Variants in CENPP observed in about 807,000 individuals in gnomAD.
CENPP encodes centromere protein P.
In CENPP, 24 loss-of-function variants were observed where a neutral mutation model predicts 35.6. The ratio of observed to expected loss-of-function variants is 0.67; its 90% CI spans 0.49 to 0.95. CENPP has a LOEUF of 0.95. CENPP is among the 40% of genes least tolerant of loss of function. CENPP has a pLI of 0.00. For missense variants in CENPP, 332 were observed against 345.3 expected (o/e 0.96, Z 0.31); for synonymous variants, 120 against 125.5 (o/e 0.96, Z 0.29).
At chr9:92,524,227 AAC>A (rs1445011899) in intron 5 of CENPP, among the ~76,000 whole-genome samples, 1 of 152,358 alleles carries the variant, frequency 6.6e-6, no homozygotes, top group South Asian at 2.1e-4. Context: ...ATATAAAAAT[AAC>A]AGTCAATAGC....
Position 92,606,097 on chromosome 9 carries a change from T to TA in CENPP, c.565-5217_565-5216insA, listed in dbSNP as rs1184755484. Among the ~76,000 whole-genome samples the TA allele has an allele frequency of 7.2e-5, 11 of 151,938 alleles. No individual in the cohort carries two copies. In the East Asian group the frequency reaches 1.7e-3, roughly 24 times the overall value. On this transcript the variant is annotated intron_variant, in intron 5 of 7. Coordinates refer to ENST00000375587, the MANE Select transcript of CENPP (RefSeq NM_001012267.3). ...GCAACATGGCAAAACCCTGTCCCTA[T>TA]TAAAAAATACAAAAATTAGCCAGGT...
rs1037159593 is a variant in CENPP, at chr9:92,518,886, C to T, written c.565-92428C>T. On this transcript the variant is annotated intron_variant, in intron 5 of 7. Coordinates refer to ENST00000375587, the MANE Select transcript of CENPP (RefSeq NM_001012267.3). Reference sequence around the variant, plus strand: ...TCTGGATGACAGAGCAAGACTGTCCCTAAATAAATAAATAAACAAATAAAG... The same window carrying T: ...TCTGGATGACAGAGCAAGACTGTCCTTAAATAAATAAATAAACAAATAAAG... 9.2e-5 allele frequency among the ~76,000 whole-genome samples: 14 copies of T among 152,066 alleles called. 1 individual carries two copies. Among genetic ancestry groups the T allele is most frequent in the Admixed American group, 7.2e-4 (11 of 15,276 alleles).
At chr9:92,569,858 C>A (rs1351448697) in intron 5 of CENPP, among the ~76,000 whole-genome samples, 1 of 152,126 alleles carries the variant, frequency 6.6e-6, no homozygotes, top group Non-Finnish European at 1.5e-5. Context: ...AATGGGAGTT[C>A]ACTCATGATT....
intron 4 of CENPP, among the ~76,000 whole-genome samples, chr9:92,357,718 C>T (rs192051649): frequency 3.3e-5 from 5 of 151,988 alleles, no homozygotes; most frequent in South Asian, 2.1e-4. Context: ...GGCTTATCTC[C>T]GATTCCCGAC....
At chr9:92,594,253 C>G (rs1424050524) in intron 5 of CENPP, among the ~76,000 whole-genome samples, 3 of 152,160 alleles carry the variant, frequency 2.0e-5, no homozygotes. Context: ...GTTTTAGGGT[C>G]AGCCCACCTC....
chr9:92,327,654 A>G (rs1208675673), intron 1 of CENPP, among the ~76,000 whole-genome samples: 2 of 152,244 alleles, frequency 1.3e-5, no homozygotes, highest in Non-Finnish European at 2.9e-5. Context: ...TGTTAGAACA[A>G]GTCCATGGTT....
intron 4 of CENPP, among the ~76,000 whole-genome samples, chr9:92,371,909 A>G (rs1416414446): frequency 7.0e-6 from 1 of 142,504 alleles, no homozygotes; most frequent in East Asian, 2.1e-4. Context: ...TCTGTTGCCC[A>G]GGCTGGAGTG....
chr9:92,439,482 A>ACAGTGGCT (rs1273333795), intron 5 of CENPP, among the ~76,000 whole-genome samples: 1 of 152,240 alleles, frequency 6.6e-6, no homozygotes, highest in Non-Finnish European at 1.5e-5. Flanking sequence ...CTATAGAGTC[A>ACAGTGGCT]CAGTGGCTGA....
chr9:92,540,146 G>A (rs1295826369), intron 5 of CENPP, among the ~76,000 whole-genome samples: 3 of 152,182 alleles, frequency 2.0e-5, no homozygotes, highest in African/African-American at 7.2e-5. Flanking sequence ...AAGTAAGAAA[G>A]AAATGAGATC....
chr9:92,425,079 C>T (rs747143506), intron 5 of CENPP, among the ~76,000 whole-genome samples: 6 of 152,288 alleles, frequency 3.9e-5, no homozygotes, highest in Non-Finnish European at 5.9e-5. Flanking sequence ...CATAACATTT[C>T]GCATTGTTTA....
At chr9:92,330,854 A>C (rs2130775896) in intron 1 of CENPP, among the ~76,000 whole-genome samples, 1 of 151,916 alleles carries the variant, frequency 6.6e-6, no homozygotes, top group Non-Finnish European at 1.5e-5. Context: ...ACTCGAGGCT[A>C]ATTTTTTGTA....
At chr9:92,332,125 A>G (rs779992384) in intron 1 of CENPP, 45 bp from the exon 2 acceptor site, 1 of 1,331,708 alleles carries the variant, frequency 7.5e-7, no homozygotes, top group African/African-American at 1.5e-5. Context: ...TAGATGAAAC[A>G]CGTGTTAGTA....
At chr9:92,329,626 C>T (rs973827885) in intron 1 of CENPP, among the ~76,000 whole-genome samples, 2 of 152,154 alleles carry the variant, frequency 1.3e-5, no homozygotes, top group East Asian at 3.8e-4. Flanking sequence ...CCTTCACCCA[C>T]CTCCCATGCT....
At chr9:92,408,566 T>C (rs1232350251) in intron 5 of CENPP, among the ~76,000 whole-genome samples, 2 of 152,182 alleles carry the variant, frequency 1.3e-5, no homozygotes, top group African/African-American at 4.8e-5. Flanking sequence ...TTTTTATCGA[T>C]TGAACTTTTA....
At chr9:92,590,256 C>T (rs10992379) in intron 5 of CENPP, among the ~76,000 whole-genome samples, 9,078 of 152,208 alleles carry the variant, frequency 0.06, 391 homozygotes, top group Middle Eastern at 0.24. Flanking sequence ...CAAACTTTAA[C>T]TTTAGTTTCT....
intron 5 of CENPP, chr9:92,470,885 G>A: frequency 1.4e-6 from 1 of 734,968 alleles, no homozygotes. Flanking sequence ...TTATCATCAA[G>A]TTACAGATGA....
At chr9:92,571,569 G>A (rs908058762) in intron 5 of CENPP, among the ~76,000 whole-genome samples, 1 of 152,202 alleles carries the variant, frequency 6.6e-6, no homozygotes, top group Non-Finnish European at 1.5e-5. Flanking sequence ...GATTTGGAGT[G>A]GAGAGTTCTG....
intron 5 of CENPP, chr9:92,384,808 C>T (rs373598362): frequency 6.6e-6 from 1 of 151,930 alleles, no homozygotes; most frequent in African/African-American, 2.4e-5. Context: ...GCAGTTATCT[C>T]GTATTTGAAA....
At chr9:92,462,834 C>G (rs1307584948) in intron 5 of CENPP, among the ~76,000 whole-genome samples, 1 of 152,136 alleles carries the variant, frequency 6.6e-6, no homozygotes, top group African/African-American at 2.4e-5. Context: ...ACATTATTTG[C>G]TAATTTAGAG....
Sources: gnomAD v4.1 joint callset for allele counts (sites outside exome capture counted in the v4.1 genomes callset) on GRCh38, gnomAD v4.1.1 for gene constraint, MANE v1.5 for transcripts, NCBI Gene and HGNC (gene_info 2026-07-23, HGNC 2026-07-21) for gene names.